CNIH3: variants seen among roughly 807,000 people sequenced by gnomAD.
CNIH3 encodes cornichon family AMPA receptor auxiliary protein 3.
CNIH3 carries 14 observed loss-of-function variants against 24.1 expected under a neutral mutation model. The observed-to-expected ratio is 0.58, with a 90% CI of 0.38 to 0.91. The LOEUF (loss-of-function observed/expected upper bound fraction) is 0.91. Among genes scored for constraint, CNIH3 ranks in the 40% least tolerant of loss-of-function variants. The pLI, the probability that CNIH3 is intolerant of heterozygous loss-of-function variation, is 0.00. For synonymous variants in CNIH3, 68 were observed against 73.8 expected (o/e 0.92, Z 0.40); for missense variants, 178 against 196.8 (o/e 0.90, Z 0.57).
chr1:224,716,428 C>A (rs1045466286), intron 3 of CNIH3, among the ~76,000 whole-genome samples: 2 of 152,140 alleles, frequency 1.3e-5, no homozygotes, highest in African/African-American at 4.8e-5. Context: ...CACATAGGAC[C>A]CAGTATATAA....
At chr1:224,519,079 A>T (rs1233660816) in intron 1 of CNIH3, among the ~76,000 whole-genome samples, 1 of 152,240 alleles carries the variant, frequency 6.6e-6, no homozygotes, top group Admixed American at 6.5e-5. Context: ...TTAGCATAGC[A>T]CTTGGCATAT....
chr1:224,504,340 C>T (rs1268154064), intron 1 of CNIH3, among the ~76,000 whole-genome samples: 1 of 152,188 alleles, frequency 6.6e-6, no homozygotes, highest in Non-Finnish European at 1.5e-5. Flanking sequence ...CAGTTTTGTG[C>T]AAGCATTTTG....
upstream of CNIH3, among the ~76,000 whole-genome samples, chr1:224,614,750 C>T (rs190605837): frequency 4.6e-3 from 700 of 151,996 alleles, 3 homozygotes; most frequent in African/African-American, 0.016. Flanking sequence ...AGATCGAGAC[C>T]ATCTTGGCCA....
intron 1 of CNIH3, among the ~76,000 whole-genome samples, chr1:224,642,585 T>C (rs1317086486): frequency 6.6e-6 from 1 of 152,176 alleles, no homozygotes; most frequent in Non-Finnish European, 1.5e-5. Flanking sequence ...AGGGAGTAAA[T>C]GGCTGAGCCC....
intron 1 of CNIH3, among the ~76,000 whole-genome samples, chr1:224,438,408 G>A (rs1459602701): frequency 2.6e-5 from 4 of 152,032 alleles, no homozygotes; most frequent in Non-Finnish European, 5.9e-5. Context: ...ATTTTAAAAA[G>A]CTGAGATAGT....
intron 1 of CNIH3, among the ~76,000 whole-genome samples, chr1:224,487,530 C>T (rs1159388197): frequency 6.6e-6 from 1 of 152,186 alleles, no homozygotes; most frequent in Non-Finnish European, 1.5e-5. Context: ...CTGTTTCCCT[C>T]CATATTTTAC....
intron 1 of CNIH3, among the ~76,000 whole-genome samples, chr1:224,473,818 G>A (rs149753558): frequency 6.0e-4 from 91 of 152,192 alleles, no homozygotes; most frequent in African/African-American, 2.0e-3. Context: ...TTTACAGAAC[G>A]TTTCATCCAA....
At chr1:224,543,551 T>C (rs978393457) in intron 2 of CNIH3, among the ~76,000 whole-genome samples, 7 of 152,092 alleles carry the variant, frequency 4.6e-5, no homozygotes, top group African/African-American at 1.7e-4. Context: ...CCATGCCTTT[T>C]GGCTTGTGGA....
intron 1 of CNIH3, among the ~76,000 whole-genome samples, chr1:224,638,201 T>G (rs1684186307): frequency 6.6e-6 from 1 of 152,266 alleles, no homozygotes; most frequent in African/African-American, 2.4e-5. Flanking sequence ...CCTTAGTGGC[T>G]GACCCGGCCC....
chr1:224,461,147 C>T (rs766054600), intron 1 of CNIH3, among the ~76,000 whole-genome samples: 98 of 151,818 alleles, frequency 6.5e-4, no homozygotes, highest in Middle Eastern at 3.4e-3. Context: ...GGACTACAGG[C>T]GCCCACCACC....
rs114729924 is a variant in CNIH3 at position 224,707,752 on chromosome 1, C to T, written c.199-22710C>T. Among the ~76,000 whole-genome samples the T allele has an allele frequency of 2.6e-3, 395 of 152,300 alleles. 2 individuals are homozygous for T. The highest frequency in any genetic ancestry group is 8.5e-3 in the African/African-American group (353 of 41,556). ...TTTTGAGCAACATGGCCGAGAACCC[C>T]GGCTGTCAAGTTCAGACCTGGCAGG... On this transcript the variant is annotated intron_variant, in intron 3 of 5. Coordinates refer to ENST00000272133, the MANE Select transcript of CNIH3 (RefSeq NM_152495.2).
intron 4 of CNIH3, among the ~76,000 whole-genome samples, chr1:224,581,347 C>T (rs991748058): frequency 1.5e-4 from 23 of 152,168 alleles, no homozygotes; most frequent in African/African-American, 5.3e-4. Context: ...GGCATCATTA[C>T]AGGGAAAAGA....
At chr1:224,545,435 C>T (rs1679667218) in intron 2 of CNIH3, among the ~76,000 whole-genome samples, 1 of 152,138 alleles carries the variant, frequency 6.6e-6, no homozygotes, top group East Asian at 1.9e-4. Flanking sequence ...TTTAAAAATA[C>T]GTATTTCACA....
At chr1:224,553,746 C>CT (rs35165684) in intron 3 of CNIH3, among the ~76,000 whole-genome samples, 1,919 of 145,990 alleles carry the variant, frequency 0.013, 32 homozygotes, top group African/African-American at 0.032. Flanking sequence ...TTCTTTCTTT[C>CT]TTTTTTTTTT....
intron 1 of CNIH3, among the ~76,000 whole-genome samples, chr1:224,473,035 A>C (rs571211612): frequency 2.7e-4 from 41 of 152,326 alleles, no homozygotes; most frequent in East Asian, 1.3e-3. Flanking sequence ...CATCAGTTGC[A>C]GGTGACTTAT....
chr1:224,684,334 C>T lies in CNIH3; in HGVS notation c.151-462C>T, dbSNP rs1686548742. Among the ~76,000 whole-genome samples, 1 of 152,234 alleles carries T rather than the reference C, an allele frequency of 6.6e-6. No individual in the cohort carries two copies. On this transcript the variant is annotated intron_variant, in intron 2 of 5. Coordinates refer to ENST00000272133, the MANE Select transcript of CNIH3 (RefSeq NM_152495.2). The surrounding 1 kb of genome is among the most constrained non-coding windows in gnomAD (Gnocchi z 4.2). ...TAGACTCACTTTAGAAAAATAAAAC[C>T]AGCAGGCAGAGAACTTGTCTACCTT...
At chr1:224,617,337 CG>C in intron 1 of CNIH3, 82 bp downstream of exon 1, 1 of 1,454,772 alleles carries the variant, frequency 6.9e-7, no homozygotes, top group Non-Finnish European at 9.5e-7. Context: ...TTCCACCTTG[CG>C]GGCGTGGGCG....
intron 1 of CNIH3, among the ~76,000 whole-genome samples, chr1:224,679,364 A>G (rs1686292032): frequency 6.6e-6 from 1 of 152,174 alleles, no homozygotes; most frequent in African/African-American, 2.4e-5. Context: ...AACAAAAACT[A>G]AAAAACAAAC....
intron 3 of CNIH3, among the ~76,000 whole-genome samples, chr1:224,697,265 A>G (rs1052605801): frequency 1.3e-5 from 2 of 152,162 alleles, no homozygotes; most frequent in African/African-American, 4.8e-5. Context: ...TGTACGCCGA[A>G]ATTGCTTGCG....
Sources: gnomAD v4.1 joint callset for allele counts (sites outside exome capture counted in the v4.1 genomes callset) on GRCh38, gnomAD v4.1.1 for gene constraint, Gnocchi (gnomAD v3.1) non-coding constraint, MANE v1.5 for transcripts, NCBI Gene and HGNC (gene_info 2026-07-23, HGNC 2026-07-21) for gene names.